The following LIPI variants were observed in gnomAD, a reference collection of about 807,000 sequenced individuals.
LIPI encodes lipase I, also known as lipase member I.
Under a neutral mutation model 50.6 loss-of-function variants are expected in LIPI, and 59 were observed. That is an observed-to-expected ratio of 1.16 (90% confidence interval 0.94 to 1.45). The LOEUF (loss-of-function observed/expected upper bound fraction) is 1.45, where lower values mean the gene tolerates loss of function less well. Among genes scored for constraint, LIPI ranks in the 40% most tolerant of loss-of-function variants. The pLI is 0.00. For synonymous variants in LIPI, 203 were observed against 178.2 expected (o/e 1.14, Z -1.11); for missense variants, 586 against 536.3 (o/e 1.09, Z -0.92).
chr21:14,159,883 C>A (rs1019447589), intron 7 of LIPI, among the ~76,000 whole-genome samples: 21 of 151,208 alleles, frequency 1.4e-4, no homozygotes, highest in African/African-American at 4.8e-4. Context: ...ATACATTTTA[C>A]AATTACTCCC....
intron 8 of LIPI, among the ~76,000 whole-genome samples, chr21:14,149,438 C>T (rs9976636): frequency 0.39 from 59,369 of 151,930 alleles, 12,823 homozygotes; most frequent in African/African-American, 0.58. Context: ...TCATTCCACC[C>T]CTGGCCTTCC....
chr21:14,172,793 C>T (rs1033791225), intron 4 of LIPI, among the ~76,000 whole-genome samples: 13 of 151,532 alleles, frequency 8.6e-5, no homozygotes, highest in Non-Finnish European at 1.6e-4. Context: ...GTGCAGCACA[C>T]CAGCATGGCA....
At chr21:14,147,447 C>T (rs1176832725) in intron 8 of LIPI, among the ~76,000 whole-genome samples, 2 of 152,130 alleles carry the variant, frequency 1.3e-5, no homozygotes. Flanking sequence ...CAGCACTTAA[C>T]ACAGTGCCTG....
chr21:14,109,153 A>G lies in LIPI; in HGVS notation c.1296-73T>C, dbSNP rs1022581963. 1.8e-5 allele frequency: 22 copies of G among 1,208,508 alleles called. No individual in the cohort carries two copies. The African/African-American group carries it at 2.1e-4, about 11-fold the overall frequency. 74.9% of individuals were successfully genotyped at this position (1,208,508 alleles called of 1,614,324 possible). ...ACAACAGAGTTGATTTCCTTCTCTCATTAATATTAGAATAGTCCATGCCTG... is the reference window on the plus strand; with the variant it reads ...ACAACAGAGTTGATTTCCTTCTCTCGTTAATATTAGAATAGTCCATGCCTG... On this transcript the variant is annotated intron_variant, in intron 9 of 9. Coordinates refer to ENST00000681601, the MANE Select transcript of LIPI (RefSeq NM_001302998.2).
At chr21:14,179,310 G>A (rs1194539731) in intron 4 of LIPI, among the ~76,000 whole-genome samples, 3 of 151,812 alleles carry the variant, frequency 2.0e-5, no homozygotes, top group African/African-American at 4.8e-5. Context: ...CTGAGTCCAC[G>A]CATATCATTC....
chr21:14,179,516 A>G (rs1167062874), intron 4 of LIPI, among the ~76,000 whole-genome samples: 2 of 152,186 alleles, frequency 1.3e-5, no homozygotes, highest in Admixed American at 1.3e-4. Context: ...TCAAAAATGC[A>G]AACAAAAATA....
At chr21:14,156,516 T>C (rs2018276714) in intron 7 of LIPI, among the ~76,000 whole-genome samples, 1 of 151,928 alleles carries the variant, frequency 6.6e-6, no homozygotes, top group Admixed American at 6.6e-5. Flanking sequence ...TGCTAACACC[T>C]TGACTTTAGC....
intron 1 of LIPI, among the ~76,000 whole-genome samples, chr21:14,195,455 A>C (rs2019812888): frequency 6.6e-6 from 1 of 152,192 alleles, no homozygotes; most frequent in African/African-American, 2.4e-5. Context: ...CAAGTCTAGA[A>C]TAAAAGAGAA....
intron 9 of LIPI, among the ~76,000 whole-genome samples, chr21:14,140,195 T>G (rs1419125199): frequency 6.6e-6 from 1 of 152,070 alleles, no homozygotes; most frequent in East Asian, 1.9e-4. Flanking sequence ...TGATAAAACT[T>G]AGTGAGTTTG....
chr21:14,183,844 G>A (rs1223567874), intron 3 of LIPI, among the ~76,000 whole-genome samples: 1 of 152,234 alleles, frequency 6.6e-6, no homozygotes, highest in African/African-American at 2.4e-5. Context: ...TGGAGAGGAT[G>A]TGGAGAAATA....
chr21:14,162,316 G>A (rs9977811), intron 7 of LIPI, among the ~76,000 whole-genome samples: 110,426 of 151,206 alleles, frequency 0.73, 40,519 homozygotes, highest in Middle Eastern at 0.89. Context: ...CCGGGGGGAT[G>A]GGGTACGTAG....
At chr21:14,152,794 C>T (rs2018145602) in intron 7 of LIPI, 110 bp from the exon 8 acceptor site, 12 of 587,706 alleles carry the variant, frequency 2.0e-5, no homozygotes, top group Non-Finnish European at 3.4e-5. Flanking sequence ...GTAATCTAGG[C>T]TCATATTACA....
At chr21:14,165,935 T>C (rs1346785482) in intron 5 of LIPI, among the ~76,000 whole-genome samples, 1 of 152,182 alleles carries the variant, frequency 6.6e-6, no homozygotes, top group African/African-American at 2.4e-5. Flanking sequence ...ATTCCACACC[T>C]GGGGAAGTTG....
At chr21:14,118,097 G>A (rs1451859506) in intron 9 of LIPI, among the ~76,000 whole-genome samples, 2 of 151,942 alleles carry the variant, frequency 1.3e-5, no homozygotes, top group African/African-American at 4.8e-5. Flanking sequence ...AATAGGACAA[G>A]GGCAACAACC....
At chr21:14,159,535 T>C (rs1475589215) in intron 7 of LIPI, among the ~76,000 whole-genome samples, 1 of 151,228 alleles carries the variant, frequency 6.6e-6, no homozygotes, top group African/African-American at 2.4e-5. Flanking sequence ...AAACTATAAG[T>C]CACATCACAC....
intron 4 of LIPI, among the ~76,000 whole-genome samples, chr21:14,173,030 G>C (rs1364145346): frequency 6.6e-6 from 1 of 152,178 alleles, no homozygotes; most frequent in African/African-American, 2.4e-5. Flanking sequence ...GACAGGAAGG[G>C]TCTAGTGAGG....
At chr21:14,210,536 T>C (rs1002739465) in intron 1 of LIPI, among the ~76,000 whole-genome samples, 1 of 152,048 alleles carries the variant, frequency 6.6e-6, no homozygotes, top group African/African-American at 2.4e-5. Flanking sequence ...TCTAGTTACA[T>C]CTTTTTTTAA....
In LIPI at chr21:14,189,284, T is replaced by A; in HGVS notation, c.182A>T (p.Glu61Val). ...NNLNCAEPLF[E>V]QNNSLNVNFN... Reference sequence around the variant, plus strand: ...ATTAACATTAAGTGAGTTATTTTGTTCAAACAGTGGCTCAGCACAGTTTAG... The same window carrying A: ...ATTAACATTAAGTGAGTTATTTTGTACAAACAGTGGCTCAGCACAGTTTAG... The change falls in exon 2 of 10, where the codon GAA becomes GTA. Residue 61 changes from glutamate (E) to valine (V), a missense_variant. By Grantham distance (121) the Glu-to-Val change is moderately radical. Transcript: ENST00000681601. 1 of 1,613,992 alleles carries A rather than the reference T, an allele frequency of 6.2e-7. No individual in the cohort carries two copies. Among genetic ancestry groups the A allele is most frequent in the South Asian group, 1.1e-5 (1 of 91,072 alleles).
intron 9 of LIPI, among the ~76,000 whole-genome samples, chr21:14,140,959 A>T (rs149397956): frequency 1.3e-4 from 20 of 152,318 alleles, no homozygotes; most frequent in Middle Eastern, 3.4e-3. Context: ...GGTGCATTTA[A>T]CAAGAATGGC....
Sources: gnomAD v4.1 joint callset for allele counts (sites outside exome capture counted in the v4.1 genomes callset) on GRCh38, gnomAD v4.1.1 for gene constraint, MANE v1.5 for transcripts, NCBI Gene and HGNC (gene_info 2026-07-23, HGNC 2026-07-21) for gene names.